FBXO15: variants seen among roughly 807,000 people sequenced by gnomAD.
The protein encoded by FBXO15 is F-box protein 15.
A neutral mutation model predicts 49.5 loss-of-function variants in FBXO15; 30 were observed. The ratio of observed to expected loss-of-function variants is 0.61; its 90% confidence interval spans 0.45 to 0.82. FBXO15 has a LOEUF of 0.82. Among genes scored for constraint, FBXO15 ranks in the 40% least tolerant of loss-of-function variants. FBXO15 has a pLI of 0.00. For missense variants in FBXO15, 591 were observed against 631.5 expected, an observed-to-expected ratio of 0.94 and a Z score of 0.69; for synonymous variants, 250 against 232.7, an observed-to-expected ratio of 1.07 and a Z score of -0.68.
At chr18:74,100,872 T>G (rs1194724411) in intron 8 of FBXO15, among the ~76,000 whole-genome samples, 3 of 152,014 alleles carry the variant, frequency 2.0e-5, no homozygotes, top group Non-Finnish European at 4.4e-5. Flanking sequence ...AATTAGATAC[T>G]CTGAACAGAC....
intron 1 of FBXO15, among the ~76,000 whole-genome samples, chr18:74,141,214 T>C (rs1599193945): frequency 6.6e-6 from 1 of 152,194 alleles, no homozygotes; most frequent in African/African-American, 2.4e-5. Context: ...TCAAAACCAG[T>C]AGTACTCAGC....
At chr18:74,124,722 CTAATA>C in intron 6 of FBXO15, 151 bp from the exon 7 acceptor site, 1 of 652,470 alleles carries the variant, frequency 1.5e-6, no homozygotes, top group Non-Finnish European at 2.7e-6. Context: ...ATTATTACTG[CTAATA>C]TGTTACTACT....
chr18:74,134,362 G>A (rs991260361), intron 3 of FBXO15, among the ~76,000 whole-genome samples: 6 of 147,790 alleles, frequency 4.1e-5, no homozygotes, highest in African/African-American at 7.6e-5. Context: ...GTATGACCTG[G>A]AGAATTTTTT....
At chr18:74,080,630 CTA>C (rs1452273123) in intron 9 of FBXO15, among the ~76,000 whole-genome samples, 1 of 152,206 alleles carries the variant, frequency 6.6e-6, no homozygotes, top group East Asian at 1.9e-4. Context: ...CTGAGAACTT[CTA>C]TGAGAAATCT....
At chr18:74,089,633 T>C (rs1230599962) in intron 8 of FBXO15, among the ~76,000 whole-genome samples, 1 of 152,222 alleles carries the variant, frequency 6.6e-6, no homozygotes, top group Non-Finnish European at 1.5e-5. Flanking sequence ...CATGAAGTGA[T>C]GTTGAATTTT....
chr18:74,144,108 T>G (rs1979256053), intron 1 of FBXO15, among the ~76,000 whole-genome samples: 1 of 152,230 alleles, frequency 6.6e-6, no homozygotes, highest in Non-Finnish European at 1.5e-5. Flanking sequence ...ACTACTAGGT[T>G]GGTGCTAAAG....
intron 3 of FBXO15, among the ~76,000 whole-genome samples, chr18:74,133,867 G>A (rs1444233051): frequency 1.3e-5 from 2 of 152,162 alleles, no homozygotes; most frequent in Non-Finnish European, 2.9e-5. Context: ...GAACTACAAG[G>A]AAGGCACCAA....
chr18:74,102,585 C>G (rs976795033), intron 8 of FBXO15, among the ~76,000 whole-genome samples: 1 of 152,142 alleles, frequency 6.6e-6, no homozygotes, highest in South Asian at 2.1e-4. Context: ...ACCATTTGAT[C>G]CAGCAATTCC....
intron 9 of FBXO15, chr18:74,076,604 T>G (rs1458262269): frequency 1.3e-5 from 2 of 152,264 alleles, no homozygotes; most frequent in East Asian, 3.9e-4. Context: ...CCAAGCAGAC[T>G]AGGAAACCAA....
rs764896897 is a variant in FBXO15, at chr18:74,081,960, C to G, written c.1230G>C (p.Ser410=). 3 of 1,612,992 alleles carry G rather than the reference C, an allele frequency of 1.9e-6. No individual in the cohort carries two copies. The Admixed American group carries it at 5.0e-5, about 27-fold the overall frequency. ...AGCCATCAAAAATATCAGTTTTCCA[C>G]GAGAGGCCAACTTTTCCAATAAGAG... ...HLPLIGKVGL[S]WKTDIFDGCI... Residue 410 remains serine, a synonymous_variant, in exon 9 of 10, where the codon TCG becomes TCC. Coordinates refer to ENST00000419743, the MANE Select transcript of FBXO15 (RefSeq NM_001142958.2).
chr18:74,139,553 C>A (rs1442132430), intron 2 of FBXO15, among the ~76,000 whole-genome samples: 1 of 152,132 alleles, frequency 6.6e-6, no homozygotes, highest in African/African-American at 2.4e-5. Flanking sequence ...ATTAAAAGCC[C>A]AGAACTTGAA....
At position 74,140,318 on chromosome 18, in the gene FBXO15, AGTAAATGTGG is replaced by A. The variant is rs1393032376; in HGVS notation, c.117-16_117-7del. 6.5e-6 allele frequency: 10 copies of A among 1,547,550 alleles called. No individual in the cohort carries two copies. The highest frequency in any genetic ancestry group is 7.9e-6 in the Non-Finnish European group (9 of 1,145,642). On this transcript the variant is annotated splice_region_variant and splice_polypyrimidine_tract_variant and intron_variant, in intron 1 of 9. Coordinates refer to ENST00000419743, the MANE Select transcript of FBXO15 (RefSeq NM_001142958.2). ...GCTTGACCCCTGGCCCCTTTCTGAA[AGTAAATGTGG>A]GAAATTCAAATTATGTAATTACCAA...
Position 74,130,606 on chromosome 18 carries a change from A to C in FBXO15, c.385T>G (p.Trp129Gly), listed in dbSNP as rs1045825995. 3 of 1,613,986 alleles carry C rather than the reference A, an allele frequency of 1.9e-6. No individual in the cohort carries two copies. The African/African-American group carries it at 4.0e-5, about 22-fold the overall frequency. ...STAFSPARSN[W>G]KFNSVEKIAM... Reference sequence around the variant, plus strand: ...ATCTTCTCTACTGAATTAAATTTCCAATTTGATCTTGCAGGTGAAAAAGCA... The same window carrying C: ...ATCTTCTCTACTGAATTAAATTTCCCATTTGATCTTGCAGGTGAAAAAGCA... Residue 129 changes from tryptophan to glycine, a missense_variant, in exon 4 of 10, where the codon TGG (tryptophan) becomes GGG (glycine). Coordinates refer to ENST00000419743, the MANE Select transcript of FBXO15 (RefSeq NM_001142958.2).
intron 7 of FBXO15, 106 bp from the exon 8 acceptor site, chr18:74,123,616 C>G: frequency 1.7e-6 from 2 of 1,210,424 alleles, no homozygotes; most frequent in South Asian, 3.2e-5. Flanking sequence ...AAAGCACTAC[C>G]TCCTACAAAT....
chr18:74,078,059 G>A (rs983487651), intron 9 of FBXO15, among the ~76,000 whole-genome samples: 7 of 152,066 alleles, frequency 4.6e-5, no homozygotes, highest in African/African-American at 9.7e-5. Context: ...AGGAGCGGCC[G>A]GTGGGGCACA....
At chr18:74,131,466 G>A (rs770669888) in intron 3 of FBXO15, among the ~76,000 whole-genome samples, 1 of 152,138 alleles carries the variant, frequency 6.6e-6, no homozygotes, top group Non-Finnish European at 1.5e-5. Context: ...CAAAGAAATG[G>A]GTCAAAGAAA....
chr18:74,143,852 C>T (rs1162935565), intron 1 of FBXO15, among the ~76,000 whole-genome samples: 4 of 152,166 alleles, frequency 2.6e-5, no homozygotes, highest in Non-Finnish European at 5.9e-5. Flanking sequence ...TCCCCTCTGC[C>T]ACACACACAT....
intron 2 of FBXO15, among the ~76,000 whole-genome samples, chr18:74,137,463 T>C (rs1398468399): frequency 2.0e-5 from 3 of 152,210 alleles, no homozygotes; most frequent in African/African-American, 7.2e-5. Flanking sequence ...ATTATTTAAC[T>C]GGAATGAAAT....
rs114861452 is a variant in FBXO15 at position 74,081,092 on chromosome 18, A to T, written c.1263+835T>A. On this transcript the variant is annotated intron_variant, in intron 9 of 9. Transcript: ENST00000419743. Reference sequence around the variant, plus strand: ...AAAACTTAAACATTTGCTATGAATAAATAGGATTTGTAAAATATCTCATTG... The same window carrying T: ...AAAACTTAAACATTTGCTATGAATATATAGGATTTGTAAAATATCTCATTG... Among the ~76,000 whole-genome samples, 529 of 152,372 alleles carry T rather than the reference A, an allele frequency of 3.5e-3. 2 individuals carry two copies. Among genetic ancestry groups the T allele is most frequent in the African/African-American group, 0.012 (508 of 41,582 alleles).
Sources: allele counts gnomAD v4.1 joint callset (sites outside exome capture counted in the v4.1 genomes callset), GRCh38; gene constraint gnomAD v4.1.1; transcripts MANE v1.5; gene names NCBI Gene and HGNC (gene_info 2026-07-23, HGNC 2026-07-21).